ZKSCAN3: variants seen among roughly 807,000 people sequenced by gnomAD.
ZKSCAN3 encodes the protein zinc finger protein with KRAB and SCAN domains 3.
ZKSCAN3 carries 21 observed loss-of-function variants against 30.7 expected under a neutral mutation model. The observed-to-expected ratio is 0.68, with a 90% CI of 0.49 to 0.99. ZKSCAN3 has a LOEUF of 0.99. Ranked by LOEUF, ZKSCAN3 falls within the 50% of genes least tolerant of loss-of-function variation. The pLI, the probability that ZKSCAN3 is intolerant of heterozygous loss-of-function variation, is 0.00. For synonymous variants in ZKSCAN3, 201 were observed against 246.7 expected, an observed-to-expected ratio of 0.81 and a Z score of 1.73; for missense variants, 507 against 647.1, an observed-to-expected ratio of 0.78 and a Z score of 2.35.
intron 5 of ZKSCAN3, among the ~76,000 whole-genome samples, chr6:28,364,315 C>G (rs1207593154): frequency 1.3e-5 from 2 of 152,122 alleles, no homozygotes. Context: ...TTCTCCTCTC[C>G]GTGCCAGTAT....
intron 1 of ZKSCAN3, among the ~76,000 whole-genome samples, chr6:28,358,861 G>C (rs1035176959): frequency 5.4e-5 from 8 of 148,546 alleles, no homozygotes; most frequent in Admixed American, 5.4e-4. Flanking sequence ...TCCAGTCTGG[G>C]TGACAGGGCA....
intron 3 of ZKSCAN3, 87 bp downstream of exon 3, chr6:28,361,558 G>A: frequency 1.4e-6 from 2 of 1,454,760 alleles, no homozygotes; most frequent in Non-Finnish European, 1.9e-6. Context: ...TTGATAGGGG[G>A]CTTATGTGCC....
Position 28,361,256 on chromosome 6 carries a change from C to T in ZKSCAN3, c.403-68C>T, listed in dbSNP as rs569577605. 2.0e-4 allele frequency: 310 copies of T among 1,529,472 alleles called. 6 individuals carry two copies. The East Asian group carries it at 2.6e-3, about 13-fold the overall frequency. 94.7% of individuals were successfully genotyped at this position (1,529,472 alleles called of 1,614,324 possible). On this transcript the variant is annotated intron_variant, in intron 2 of 5. Coordinates refer to ENST00000252211, the MANE Select transcript of ZKSCAN3 (RefSeq NM_024493.4). Reference sequence around the variant, plus strand: ...ATTTATAATGCTCTTGGAAATAGTGCCAGCCACCTAGGTAGTTCTATGGAA... The same window carrying T: ...ATTTATAATGCTCTTGGAAATAGTGTCAGCCACCTAGGTAGTTCTATGGAA...
intron 2 of ZKSCAN3, among the ~76,000 whole-genome samples, chr6:28,360,288 G>A (rs71559077): frequency 0.042 from 6,319 of 152,008 alleles, 219 homozygotes; most frequent in Non-Finnish European, 0.072. Context: ...TAAAACCTAC[G>A]GACAGGGCTT....
At chr6:28,360,495 C>A in intron 2 of ZKSCAN3, 1 of 831,140 alleles carries the variant, frequency 1.2e-6, no homozygotes, top group Non-Finnish European at 1.5e-6. Context: ...AGCTTTTGTC[C>A]TGTTCAAGTT....
chr6:28,354,290 T>G (rs1348865726), intron 1 of ZKSCAN3: 1 of 243,138 alleles, frequency 4.1e-6, no homozygotes, highest in East Asian at 9.3e-5. Context: ...AAACAGGTTA[T>G]ATAACAAGTG....
intron 1 of ZKSCAN3, among the ~76,000 whole-genome samples, chr6:28,358,097 G>A (rs530043815): frequency 4.1e-4 from 63 of 152,244 alleles, no homozygotes; most frequent in Admixed American, 2.4e-3. Context: ...GATTCATTCC[G>A]GGATCCCCAA....
At chr6:28,361,173 G>T in intron 2 of ZKSCAN3, 151 bp from the exon 3 acceptor site, 1 of 839,778 alleles carries the variant, frequency 1.2e-6, no homozygotes, top group African/African-American at 1.8e-5. Context: ...CAGTAAAATG[G>T]GTATAATAAT....
chr6:28,360,239 T>C (rs972291211), intron 2 of ZKSCAN3: 2 of 631,446 alleles, frequency 3.2e-6, no homozygotes, highest in African/African-American at 3.7e-5. Flanking sequence ...ATTAACTTTG[T>C]ATTAAAGTCA....
In ZKSCAN3 at chr6:28,366,290, T is replaced by G; in HGVS notation, c.*5T>G. Reference sequence around the variant, plus strand: ...AAAAACATCCTATCACAGTGACCCATGCCATACATGCCAGAGTTGGTGCTC... The same window carrying G: ...AAAAACATCCTATCACAGTGACCCAGGCCATACATGCCAGAGTTGGTGCTC... On this transcript the variant is annotated 3_prime_UTR_variant, in exon 6 of 6. Coordinates refer to ENST00000252211, the MANE Select transcript of ZKSCAN3 (RefSeq NM_024493.4). 1 of 1,497,212 alleles carries G rather than the reference T, an allele frequency of 6.7e-7. No homozygotes were observed. Among genetic ancestry groups the G allele is most frequent in the Non-Finnish European group, 8.8e-7 (1 of 1,131,498 alleles). The allele number at this position is 1,497,212 out of a possible 1,614,324, so 92.7% of individuals were successfully genotyped here.
At position 28,366,966 on chromosome 6, in the gene ZKSCAN3, G is replaced by A. The variant is rs1226545497; in HGVS notation, c.*681G>A. 6.6e-6 allele frequency: 1 copy of A among 152,294 alleles called. No homozygotes were observed. The highest frequency in any genetic ancestry group is 2.4e-5 in the African/African-American group (1 of 41,408). 9.4% of individuals were successfully genotyped at this position (152,294 alleles called of 1,614,324 possible). ...TAGTCTTGCTCTGTCGCCCAGGCTG[G>A]AGTGCAGTGGCACAATCTTGGCTCA... is the stretch of plus-strand genomic sequence containing the variant. On this transcript the variant is annotated 3_prime_UTR_variant, in exon 6 of 6. Transcript: ENST00000252211.
rs778663941 is a variant in ZKSCAN3 at position 28,363,355 on chromosome 6, G to C, written c.603G>C (p.Val201=). ...GAGGATGCTGCAGAGAAGATAAAGT[G>C]GTAGCTTCTAGGCTTACTCCAGAGT... ...AHGGCCREDK[V]VASRLTPESQ... is the part of the protein sequence containing the mutation. The change falls in exon 4 of 6, where the codon GTG becomes GTC. Residue 201 remains valine, a synonymous_variant. Transcript: ENST00000252211. 6.2e-7 allele frequency: 1 copy of C among 1,614,002 alleles called. No individual in the cohort carries two copies. The highest frequency in any genetic ancestry group is 1.3e-5 in the African/African-American group (1 of 75,002).
rs1242795812 is a variant in ZKSCAN3, at chr6:28,367,336, T to A, written c.*1051T>A. ...TGGAATTGCTTTTTTTTTTTTTTTT[T>A]TGTAAATATGAGGTCTCACTATGTT... is the stretch of plus-strand genomic sequence containing the variant. On this transcript the variant is annotated 3_prime_UTR_variant, in exon 6 of 6. Coordinates refer to ENST00000252211, the MANE Select transcript of ZKSCAN3 (RefSeq NM_024493.4). 1 of 133,458 alleles carries A rather than the reference T, an allele frequency of 7.5e-6. No homozygotes were observed. Among genetic ancestry groups the A allele is most frequent in the African/African-American group, 3.0e-5 (1 of 33,310 alleles). The allele number at this position is 133,458 out of a possible 1,614,324, so 8.3% of individuals were successfully genotyped here. A position where few individuals can be genotyped will look rare whatever the true frequency, so the allele number is the denominator to read the frequency against.
At position 28,351,196 on chromosome 6, in the gene ZKSCAN3, T is replaced by C. The variant is rs982322752; in HGVS notation, c.-63+1129T>C. On this transcript the variant is annotated intron_variant, in intron 1 of 5. Transcript: ENST00000252211. The surrounding 1 kb of genome is among the most constrained non-coding windows in gnomAD (Gnocchi z 4.6). ...GTGTTGGCAACCAATTTCCCAATCT[T>C]GTGCCTTCCCACTGTGATCAGTTTG... Among the ~76,000 whole-genome samples, 3 of 152,210 alleles carry C rather than the reference T, an allele frequency of 2.0e-5. No individual in the cohort carries two copies. The highest frequency in any genetic ancestry group is 1.3e-4 in the Admixed American group (2 of 15,284).
intron 2 of ZKSCAN3, chr6:28,360,796 G>T: frequency 2.1e-6 from 2 of 973,410 alleles, no homozygotes; most frequent in Non-Finnish European, 2.4e-6. Flanking sequence ...GGGAAATTCT[G>T]AGCTGCACAT....
intron 2 of ZKSCAN3, chr6:28,360,667 A>T: frequency 1.0e-6 from 1 of 985,356 alleles, no homozygotes; most frequent in African/African-American, 1.7e-5. Flanking sequence ...CTGTGTGGCC[A>T]GAGCCTTCTA....
chr6:28,354,627 G>A (rs1057313172), intron 1 of ZKSCAN3, among the ~76,000 whole-genome samples: 2 of 152,354 alleles, frequency 1.3e-5, no homozygotes, highest in African/African-American at 4.8e-5. Context: ...GTAATACAGG[G>A]AGCAATAATT....
At chr6:28,352,288 G>C (rs1581715059) in intron 1 of ZKSCAN3, among the ~76,000 whole-genome samples, 1 of 152,176 alleles carries the variant, frequency 6.6e-6, no homozygotes, top group South Asian at 2.1e-4. Flanking sequence ...TGTATTAAAA[G>C]TCCCACCCCC....
At chr6:28,361,281 A>C (rs779617047) in intron 2 of ZKSCAN3, 43 bp from the exon 3 acceptor site, 1 of 1,602,512 alleles carries the variant, frequency 6.2e-7, no homozygotes, top group Admixed American at 1.7e-5. Context: ...GTTCTATGGA[A>C]GTGTTTGATG....
Sources: allele counts gnomAD v4.1 joint callset (sites outside exome capture counted in the v4.1 genomes callset), GRCh38; gene constraint gnomAD v4.1.1; non-coding constraint Gnocchi (gnomAD v3.1); transcripts MANE v1.5; gene names NCBI Gene and HGNC (gene_info 2026-07-23, HGNC 2026-07-21).